Variants in PCARE observed in about 807,000 individuals in gnomAD.
PCARE encodes the protein photoreceptor cilium actin regulator, also known as uncharacterized protein C2orf71.
In PCARE, 72 loss-of-function variants were observed where a neutral mutation model predicts 82.2. The ratio of observed to expected loss-of-function variants is 0.88; its 90% confidence interval spans 0.72 to 1.07. The LOEUF is 1.07. Among genes scored for constraint, PCARE ranks in the 50% least tolerant of loss-of-function variants. The probability of loss-of-function intolerance (pLI) is 0.00; values close to 1 mark genes in which losing one functional copy is unlikely to be tolerated. For synonymous variants in PCARE, 705 were observed against 634.8 expected, an observed-to-expected ratio of 1.11 and a Z score of -1.66; for missense variants, 1,768 against 1,592.4, an observed-to-expected ratio of 1.11 and a Z score of -1.88.
Position 29,064,616 on chromosome 2 carries a change from C to T in PCARE, c.*253G>A. ...CCCAAATTAAGGCCAGCACTTGAAG[C>T]ATTAAATACTGTCATTGTGGGGTCT... is the stretch of plus-strand genomic sequence containing the variant. On this transcript the variant is annotated 3_prime_UTR_variant, in exon 2 of 2. Coordinates refer to ENST00000331664, the MANE Select transcript of PCARE (RefSeq NM_001029883.3). 1 of 591,532 alleles carries T rather than the reference C, an allele frequency of 1.7e-6. No homozygotes were observed. Among genetic ancestry groups the T allele is most frequent in the South Asian group, 2.0e-5 (1 of 49,518 alleles). The allele number at this position is 591,532 out of a possible 1,614,324, so 36.6% of individuals were successfully genotyped here.
At position 29,070,783 on chromosome 2, in the gene PCARE, G is replaced by A. The variant is rs1410785656; in HGVS notation, c.3479C>T (p.Ala1160Val). 3.7e-6 allele frequency: 6 copies of A among 1,614,110 alleles called. No homozygotes were observed. In the South Asian group the frequency reaches 5.5e-5, roughly 15 times the overall value. The change falls in exon 1 of 2, where the codon GCA becomes GTA. Residue 1160 changes from alanine to valine, a missense_variant. Transcript: ENST00000331664. ...CCCTGAGCTGTTCTTCCAGCATTCT[G>A]CTGGGTTCCCGAGAGGGCCCCCAGC... ...PEAGGPLGNP[A>V]ECWKNSSGPW...
intron 1 of PCARE, among the ~76,000 whole-genome samples, chr2:29,066,689 G>C (rs1667396769): frequency 6.6e-6 from 1 of 152,266 alleles, no homozygotes. Context: ...CCAACTCACT[G>C]TGCCATGGAG....
Position 29,073,317 on chromosome 2 carries a change from C to T in PCARE, c.945G>A (p.Arg315=). Residue 315 remains arginine (R), a synonymous_variant, in exon 1 of 2, where the codon AGG becomes AGA. Coordinates refer to ENST00000331664, the MANE Select transcript of PCARE (RefSeq NM_001029883.3). ...THLENKLSTK[R]NVDERLLRAL... ...CCCTCAGGAGGCGTTCATCCACATT[C>T]CTTTTTGTGCTCAGCTTATTTTCCA... is the stretch of plus-strand genomic sequence containing the variant. 1 of 1,614,156 alleles carries T rather than the reference C, an allele frequency of 6.2e-7. No homozygotes were observed. Among genetic ancestry groups the T allele is most frequent in the Non-Finnish European group, 8.5e-7 (1 of 1,180,036 alleles).
Position 29,073,246 on chromosome 2 carries a change from C to T in PCARE, c.1016G>A (p.Gly339Glu), listed in dbSNP as rs778183246. 4 of 1,613,826 alleles carry T rather than the reference C, an allele frequency of 2.5e-6. No individual in the cohort carries two copies. Among genetic ancestry groups the T allele is most frequent in the East Asian group, 4.5e-5 (2 of 44,878 alleles). Reference protein sequence around the residue: ...ESLASGCGDPGVQGLPLCSED... With the variant: ...ESLASGCGDPEVQGLPLCSED... ...AGAGCATAAGGGGAGACCCTGCACC[C>T]CAGGGTCGCCACAGCCACTCGCCAG... is the stretch of plus-strand genomic sequence containing the variant. Residue 339 changes from glycine to glutamate, a missense_variant, in exon 1 of 2, where the codon GGG (glycine) becomes GAG (glutamate). Transcript: ENST00000331664.
In PCARE at chr2:29,072,190, TG is replaced by T; in HGVS notation, c.2071del (p.His691IlefsTer54). On this transcript the variant is annotated frameshift_variant, in exon 1 of 2. Transcript: ENST00000331664. LOFTEE classifies it high-confidence loss of function. ...AGCTTTGCCTTGTTCGTCCTCAGGA[TG>T]GGGATTGCATTTCTGCAAGATGCTC... ...DKSILQKCNP[H>X]PEDEQGKAGK... 1.2e-6 allele frequency: 2 copies of T among 1,614,190 alleles called. No homozygotes were observed. Among genetic ancestry groups the T allele is most frequent in the Admixed American group, 3.3e-5 (2 of 60,026 alleles).
At position 29,070,849 on chromosome 2, in the gene PCARE, G is replaced by C. The variant is rs1400429454; in HGVS notation, c.3413C>G (p.Ser1138Ter). ...TGGTGGGGTCAGTGGGTGGGCTGTTGAGAGTGGCGGTTTAGCTTCAAACAG... is the reference window on the plus strand; with the variant it reads ...TGGTGGGGTCAGTGGGTGGGCTGTTCAGAGTGGCGGTTTAGCTTCAAACAG... ...SSLFEAKPPL[S>*]TAHPLTPPSL... Residue 1138 changes from serine to a stop codon, truncating the protein, a stop_gained, in exon 1 of 2, where the codon TCA becomes TGA. Coordinates refer to ENST00000331664, the MANE Select transcript of PCARE (RefSeq NM_001029883.3). LOFTEE classifies it high-confidence loss of function. The C allele has an allele frequency of 1.9e-6, 3 of 1,613,956 alleles. No homozygotes were observed. The highest frequency in any genetic ancestry group is 2.5e-6 in the Non-Finnish European group (3 of 1,180,026).
At chr2:29,067,844 C>G (rs1412768408) in intron 1 of PCARE, among the ~76,000 whole-genome samples, 1 of 152,154 alleles carries the variant, frequency 6.6e-6, no homozygotes, top group African/African-American at 2.4e-5. Flanking sequence ...TGCACCTGAC[C>G]GTCCTCTCTC....
rs1203957908 is a variant in PCARE, at chr2:29,070,885, G to A, written c.3377C>T (p.Ala1126Val). ...TTTAGCTTCAAACAGAGAGGAGGTA[G>A]CTGGGCAGAATATGGAATGTGTGTT... ...SGNTHSIFCP[A>V]TSSLFEAKPP... The change falls in exon 1 of 2, where the codon GCT becomes GTT. Residue 1126 changes from alanine to valine, a missense_variant. Coordinates refer to ENST00000331664, the MANE Select transcript of PCARE (RefSeq NM_001029883.3). 6.2e-7 allele frequency: 1 copy of A among 1,613,870 alleles called. No homozygotes were observed. Among genetic ancestry groups the A allele is most frequent in the East Asian group, 2.2e-5 (1 of 44,882 alleles).
At position 29,073,424 on chromosome 2, in the gene PCARE, C is replaced by T. The variant is rs1415522795; in HGVS notation, c.838G>A (p.Val280Met). 1 of 1,614,106 alleles carries T rather than the reference C, an allele frequency of 6.2e-7. No individual in the cohort carries two copies. The highest frequency in any genetic ancestry group is 2.2e-5 in the East Asian group (1 of 44,888). Residue 280 changes from valine to methionine, a missense_variant, in exon 1 of 2, where the codon GTG becomes ATG. Coordinates refer to ENST00000331664, the MANE Select transcript of PCARE (RefSeq NM_001029883.3). ...AGCGAGGCCACTGTGCCATTGAGCA[C>T]CTGCAGCTTGCTGACTGTGTACTGT... ...LLQYTVSKLQ[V>M]LNGTVASLTG...
chr2:29,066,949 C>G (rs1169141122), intron 1 of PCARE, among the ~76,000 whole-genome samples: 1 of 152,250 alleles, frequency 6.6e-6, no homozygotes, highest in East Asian at 1.9e-4. Flanking sequence ...GGATTTGGCA[C>G]AGAAATAACA....
At position 29,072,286 on chromosome 2, in the gene PCARE, G is replaced by T; in HGVS notation, c.1976C>A (p.Pro659Gln). The change falls in exon 1 of 2, where the codon CCA becomes CAA. Residue 659 changes from proline to glutamine, a missense_variant. Coordinates refer to ENST00000331664, the MANE Select transcript of PCARE (RefSeq NM_001029883.3). ...VWPNGTCRVS[P>Q]SNTTSRLKAS... ...CTTGAGCCTGCTGGTGGTGTTGCTTGGACTGACCCTGCAGGTGCCATTGGG... is the reference window on the plus strand; with the variant it reads ...CTTGAGCCTGCTGGTGGTGTTGCTTTGACTGACCCTGCAGGTGCCATTGGG... 6.2e-7 allele frequency: 1 copy of T among 1,614,228 alleles called. No homozygotes were observed. Among genetic ancestry groups the T allele is most frequent in the Non-Finnish European group, 8.5e-7 (1 of 1,180,046 alleles).
At position 29,071,936 on chromosome 2, in the gene PCARE, G is replaced by C. The variant is rs1667496254; in HGVS notation, c.2326C>G (p.Pro776Ala). 6.2e-7 allele frequency: 1 copy of C among 1,614,212 alleles called. No individual in the cohort carries two copies. The highest frequency in any genetic ancestry group is 2.2e-5 in the East Asian group (1 of 44,886). The change falls in exon 1 of 2, where the codon CCT becomes GCT. Residue 776 changes from proline to alanine, a missense_variant. Pro to Ala is a conservative substitution (Grantham distance 27). Transcript: ENST00000331664. ...GAAATTTGGGGCTTCGGATACAAAG[G>C]GGCAAGCCCTGTGTACTTGGGAAAT... ...PRFPKYTGLA[P>A]LYPKPQISPA...
At chr2:29,068,214 A>G (rs1342838085) in intron 1 of PCARE, among the ~76,000 whole-genome samples, 2 of 152,238 alleles carry the variant, frequency 1.3e-5, no homozygotes, top group African/African-American at 4.8e-5. Flanking sequence ...GAAAAGAGCA[A>G]TGTTACATTA....
intron 1 of PCARE, 144 bp downstream of exon 1, chr2:29,070,450 G>GC: frequency 9.8e-7 from 1 of 1,017,886 alleles, no homozygotes; most frequent in Non-Finnish European, 1.5e-6. Flanking sequence ...AGCTGGAACT[G>GC]CCCCCTACAC....
At position 29,072,039 on chromosome 2, in the gene PCARE, C is replaced by A. The variant is rs373055833; in HGVS notation, c.2223G>T (p.Thr741=). The A allele has an allele frequency of 1.2e-6, 2 of 1,614,188 alleles. No homozygotes were observed. The highest frequency in any genetic ancestry group is 1.1e-5 in the South Asian group (1 of 91,084). ...AGTCCCCCAGCATCCTCAGACTCTC[C>A]GTGGGACTGAAAGTTTCAATAAGCT... is the stretch of plus-strand genomic sequence containing the variant. ...VKKLIETFSP[T]ESLRMLGDSK... Residue 741 remains threonine, a synonymous_variant, in exon 1 of 2, where the codon ACG becomes ACT. Transcript: ENST00000331664.
Position 29,071,379 on chromosome 2 carries a change from G to T in PCARE, c.2883C>A (p.His961Gln), listed in dbSNP as rs1667479256. 1.2e-6 allele frequency: 2 copies of T among 1,613,666 alleles called. No individual in the cohort carries two copies. Among genetic ancestry groups the T allele is most frequent in the Admixed American group, 1.7e-5 (1 of 60,006 alleles). Residue 961 changes from histidine (H) to glutamine (Q), a missense_variant, in exon 1 of 2, where the codon CAC (histidine) becomes CAA (glutamine). By Grantham distance (24) the His-to-Gln change is conservative. Coordinates refer to ENST00000331664, the MANE Select transcript of PCARE (RefSeq NM_001029883.3). The part of the protein sequence containing the change: ...YRQPRKAIAW[H>Q]HSGPPSGQNR... ...TTTGTCCAGATGGAGGGCCGGAGTG[G>T]TGCCAGGCGATGGCCTTCCGGGGCT...
At position 29,071,500 on chromosome 2, in the gene PCARE, G is replaced by C; in HGVS notation, c.2762C>G (p.Ala921Gly). 6.2e-7 allele frequency: 1 copy of C among 1,610,128 alleles called. No homozygotes were observed. Among genetic ancestry groups the C allele is most frequent in the Non-Finnish European group, 8.5e-7 (1 of 1,179,918 alleles). Residue 921 changes from alanine to glycine, a missense_variant, in exon 1 of 2, where the codon GCC (alanine) becomes GGC (glycine). Transcript: ENST00000331664. ...GRSSCQPRKP[A>G]LDLSSPPATS... ...GGCTGGTGGGCTGCTCAGGTCCAGG[G>C]CTGGCTTCCTGGGCTGGCAGCTGCT...
rs370823165 is a variant in PCARE, at chr2:29,065,006, G to A, written c.3730C>T (p.Leu1244=). The A allele has an allele frequency of 9.6e-6, 15 of 1,567,428 alleles. No individual in the cohort carries two copies. Among genetic ancestry groups the A allele is most frequent in the African/African-American group, 1.4e-5 (1 of 73,580 alleles). Residue 1244 remains leucine, a synonymous_variant, in exon 2 of 2, where the codon CTG becomes TTG. Transcript: ENST00000331664. ...GATGCACGCCTGGTGCCGCCCTGCA[G>A]TTCAGGGGAACAGGGGCTGCTCCCC... is the stretch of plus-strand genomic sequence containing the variant. ...EPGSSPCSPE[L]QGGTRRASPP...
At position 29,066,104 on chromosome 2, in the gene PCARE, C is replaced by T. The variant is rs186523775; in HGVS notation, c.3669-1037G>A. On this transcript the variant is annotated intron_variant, in intron 1 of 1. Transcript: ENST00000331664. The stretch of plus-strand genomic sequence containing the variant: ...CAGAGGTTGCAGTGAGCCGAGATTG[C>T]GCCATAGCACTCCAGTCTGGGCAAC... Among the ~76,000 whole-genome samples the T allele has an allele frequency of 9.3e-4, 142 of 152,178 alleles. 2 individuals are homozygous for T. The East Asian group carries it at 0.015, about 16-fold the overall frequency.
Sources: gnomAD v4.1 joint callset for allele counts (sites outside exome capture counted in the v4.1 genomes callset) on GRCh38, gnomAD v4.1.1 for gene constraint, MANE v1.5 for transcripts, NCBI Gene and HGNC (gene_info 2026-07-23, HGNC 2026-07-21) for gene names.